The following KYNU variants were observed in gnomAD, a reference collection of about 807,000 sequenced individuals.
KYNU encodes kynureninase.
In KYNU, 54 loss-of-function variants were observed where a neutral mutation model predicts 59.2. That is an observed-to-expected ratio of 0.91 (90% CI 0.73 to 1.14). KYNU has a LOEUF of 1.14. KYNU is among the 50% of genes most tolerant of loss of function. The probability of loss-of-function intolerance (pLI) is 0.00; values close to 1 mark genes in which losing one functional copy is unlikely to be tolerated. For missense variants in KYNU, 567 were observed against 554.4 expected, an observed-to-expected ratio of 1.02 and a Z score of -0.23; for synonymous variants, 177 against 192.0, an observed-to-expected ratio of 0.92 and a Z score of 0.65.
chr2:142,993,816 A>G (rs1233260531), intron 10 of KYNU, among the ~76,000 whole-genome samples: 1 of 152,058 alleles, frequency 6.6e-6, no homozygotes, highest in Non-Finnish European at 1.5e-5. Flanking sequence ...AGTAATTATC[A>G]GTATAAAAAC....
At chr2:143,032,295 A>C (rs544005550) in intron 11 of KYNU, among the ~76,000 whole-genome samples, 6,015 of 80,868 alleles carry the variant, frequency 0.074, 274 homozygotes, top group African/African-American at 0.16. Flanking sequence ...AAAACAAAAA[A>C]AAAAAACAAA....
chr2:142,947,684 C>T (rs1458459878), intron 4 of KYNU: 2 of 157,256 alleles, frequency 1.3e-5, no homozygotes, highest in Non-Finnish European at 2.8e-5. Flanking sequence ...GCAATTACTC[C>T]TTCCCCTAGT....
Position 142,948,732 on chromosome 2 carries a change from G to A in KYNU, c.374-6078G>A, listed in dbSNP as rs184440763. Among the ~76,000 whole-genome samples the A allele has an allele frequency of 4.3e-3, 657 of 152,240 alleles. 5 individuals carry two copies. Among genetic ancestry groups the A allele is most frequent in the African/African-American group, 0.015 (623 of 41,544 alleles). ...CATGTGGGAATTCAAGATGAGATTC[G>A]GGTGGGGACACAACCAAACCATATC... On this transcript the variant is annotated intron_variant, in intron 4 of 13. Transcript: ENST00000264170.
At chr2:142,884,863 T>G (rs1329550047) in intron 1 of KYNU, among the ~76,000 whole-genome samples, 1 of 149,800 alleles carries the variant, frequency 6.7e-6, no homozygotes, top group East Asian at 2.0e-4. Flanking sequence ...CCTGCCACCA[T>G]GCCACCTTTT....
chr2:142,915,380 A>G (rs1682634615), intron 2 of KYNU, among the ~76,000 whole-genome samples: 1 of 152,252 alleles, frequency 6.6e-6, no homozygotes, highest in Non-Finnish European at 1.5e-5. Flanking sequence ...AAGAAGCAGC[A>G]GCAGTGAGGA....
Position 143,043,260 on chromosome 2 carries a change from A to G in KYNU, c.*1088A>G, listed in dbSNP as rs1338479346. ...ATGTGCTCCATCTCTTGACATCTTT[A>G]TCTCAAATCTATGGACCTTTCTTAC... On this transcript the variant is annotated 3_prime_UTR_variant, in exon 14 of 14. Coordinates refer to ENST00000264170, the MANE Select transcript of KYNU (RefSeq NM_003937.3). The G allele has an allele frequency of 6.6e-6, 1 of 151,964 alleles. No individual in the cohort carries two copies. Among genetic ancestry groups the G allele is most frequent in the African/African-American group, 2.4e-5 (1 of 41,412 alleles). 9.4% of individuals were successfully genotyped at this position (151,964 alleles called of 1,614,324 possible). A position where few individuals can be genotyped will look rare whatever the true frequency, so the allele number is the denominator to read the frequency against.
chr2:142,973,001 G>T (rs529540522), intron 8 of KYNU, among the ~76,000 whole-genome samples: 21 of 147,968 alleles, frequency 1.4e-4, no homozygotes, highest in Admixed American at 1.1e-3. Flanking sequence ...ACACCAATTT[G>T]CCATTACATG....
rs915657705 is a variant in KYNU, at chr2:143,052,652, C to T, written c.*10480C>T. 9 of 152,200 alleles carry T rather than the reference C, an allele frequency of 5.9e-5. No individual in the cohort carries two copies. Among genetic ancestry groups the T allele is most frequent in the African/African-American group, 2.2e-4 (9 of 41,450 alleles). 9.4% of individuals were successfully genotyped at this position (152,200 alleles called of 1,614,324 possible). A position where few individuals can be genotyped will look rare whatever the true frequency, so the allele number is the denominator to read the frequency against. On this transcript the variant is annotated 3_prime_UTR_variant, in exon 14 of 14. Coordinates refer to ENST00000264170, the MANE Select transcript of KYNU (RefSeq NM_003937.3). ...TGGCAGCTTCCATATGGTGTTGAGC[C>T]TGGGTTCACAGAAGTCAAGAACTGA...
At chr2:142,900,590 G>GTTA (rs1682044208) in intron 2 of KYNU, among the ~76,000 whole-genome samples, 1 of 152,158 alleles carries the variant, frequency 6.6e-6, no homozygotes, top group African/African-American at 2.4e-5. Flanking sequence ...GAGTTAAGTT[G>GTTA]CAAGCCCCAT....
chr2:142,887,759 A>G (rs1238796651), intron 2 of KYNU, among the ~76,000 whole-genome samples: 3 of 152,186 alleles, frequency 2.0e-5, no homozygotes, highest in African/African-American at 7.2e-5. Flanking sequence ...GAACTTGGAG[A>G]GGGAGAAATG....
At chr2:143,036,881 T>C (rs892331522) in intron 12 of KYNU, among the ~76,000 whole-genome samples, 1 of 152,228 alleles carries the variant, frequency 6.6e-6, no homozygotes, top group African/African-American at 2.4e-5. Context: ...AACTGCCTCT[T>C]TGTTGTCTCT....
chr2:143,032,375 T>G (rs1686778289), intron 11 of KYNU, among the ~76,000 whole-genome samples: 1 of 151,892 alleles, frequency 6.6e-6, no homozygotes, highest in African/African-American at 2.4e-5. Flanking sequence ...GAGAACGGCA[T>G]GCAGGAAACT....
At chr2:142,944,422 G>A (rs570850151) in intron 4 of KYNU, among the ~76,000 whole-genome samples, 30 of 152,270 alleles carry the variant, frequency 2.0e-4, no homozygotes, top group African/African-American at 7.2e-4. Flanking sequence ...AAGCAGAGAA[G>A]CACTCTTTGG....
At chr2:143,020,820 G>A (rs866437362) in intron 10 of KYNU, among the ~76,000 whole-genome samples, 13 of 152,090 alleles carry the variant, frequency 8.5e-5, no homozygotes, top group Admixed American at 2.0e-4. Context: ...AATGAATTTC[G>A]TAGGTCAATG....
intron 10 of KYNU, among the ~76,000 whole-genome samples, chr2:143,010,749 A>G (rs1423692856): frequency 3.4e-5 from 5 of 148,284 alleles, no homozygotes; most frequent in African/African-American, 1.3e-4. Flanking sequence ...GCCCTCATAA[A>G]TAATGCCGCA....
At position 142,924,083 on chromosome 2, in the gene KYNU, C is replaced by T. The variant is rs530050837; in HGVS notation, c.291-3576C>T. ...GGCATGTTACAAAGATTTTTCACAA[C>T]ATCTTTGTTTTTGTTTTTCTAATTA... On this transcript the variant is annotated intron_variant, in intron 3 of 13. Transcript: ENST00000264170. 5.9e-5 allele frequency among the ~76,000 whole-genome samples: 9 copies of T among 152,218 alleles called. 1 individual carries two copies. The South Asian group carries it at 8.3e-4, about 14-fold the overall frequency.
At chr2:143,010,935 G>A (rs1277023400) in intron 10 of KYNU, among the ~76,000 whole-genome samples, 1 of 145,720 alleles carries the variant, frequency 6.9e-6, no homozygotes, top group Non-Finnish European at 1.5e-5. Flanking sequence ...AGATTTAAAC[G>A]TTAGACCTAA....
chr2:142,972,577 C>T (rs1684756898), intron 8 of KYNU, among the ~76,000 whole-genome samples: 1 of 152,002 alleles, frequency 6.6e-6, no homozygotes, highest in Non-Finnish European at 1.5e-5. Flanking sequence ...TCCTAGCAAC[C>T]CTAACAGTAA....
At chr2:142,961,148 G>A (rs569450719) in intron 8 of KYNU, among the ~76,000 whole-genome samples, 4 of 150,718 alleles carry the variant, frequency 2.7e-5, no homozygotes, top group South Asian at 2.1e-4. Flanking sequence ...AGCCAAGATC[G>A]TGCCCCTGCA....
Sources: allele counts gnomAD v4.1 joint callset (sites outside exome capture counted in the v4.1 genomes callset), GRCh38; gene constraint gnomAD v4.1.1; transcripts MANE v1.5; gene names NCBI Gene and HGNC (gene_info 2026-07-23, HGNC 2026-07-21).